VRK2: variants seen among roughly 807,000 people sequenced by gnomAD.
The protein encoded by VRK2 is VRK serine/threonine kinase 2, also known as serine/threonine-protein kinase VRK2.
Under a neutral mutation model 57.6 loss-of-function variants are expected in VRK2, and 60 were observed. That is an observed-to-expected ratio of 1.04 (90% CI 0.85 to 1.29). The LOEUF (loss-of-function observed/expected upper bound fraction) is 1.29. Ranked by LOEUF, VRK2 falls within the 50% of genes most tolerant of loss-of-function variation. VRK2 has a pLI of 0.00. For missense variants in VRK2, 705 were observed against 588.1 expected, an observed-to-expected ratio of 1.20 and a Z score of -2.06; for synonymous variants, 231 against 199.2, an observed-to-expected ratio of 1.16 and a Z score of -1.35.
At chr2:58,038,389 C>G (rs148178227) in intron 3 of VRK2, among the ~76,000 whole-genome samples, 1 of 152,108 alleles carries the variant, frequency 6.6e-6, no homozygotes, top group Admixed American at 6.5e-5. Context: ...CTCAGATATT[C>G]CTTAATAGCA....
intron 2 of VRK2, among the ~76,000 whole-genome samples, chr2:58,069,644 T>G (rs1336671704): frequency 1.3e-5 from 2 of 152,156 alleles, no homozygotes; most frequent in Non-Finnish European, 2.9e-5. Flanking sequence ...CCTTGAGAGT[T>G]TCAGATCTCT....
At chr2:58,003,719 C>A (rs939501258) in intron 1 of VRK2, among the ~76,000 whole-genome samples, 4 of 152,078 alleles carry the variant, frequency 2.6e-5, no homozygotes, top group African/African-American at 9.7e-5. Flanking sequence ...ACCTTCTTTT[C>A]TTCTCATCAT....
intron 1 of VRK2, among the ~76,000 whole-genome samples, chr2:58,024,442 G>A (rs560481837): frequency 2.0e-4 from 31 of 152,230 alleles, no homozygotes; most frequent in African/African-American, 7.0e-4. Context: ...AACTACTTAA[G>A]TGAGTAAAAC....
chr2:57,973,174 C>T (rs1260367049), intron 1 of VRK2, among the ~76,000 whole-genome samples: 1 of 151,858 alleles, frequency 6.6e-6, no homozygotes, highest in Admixed American at 6.6e-5. Context: ...CACAGCCTTG[C>T]CAACAGTTGT....
intron 1 of VRK2, among the ~76,000 whole-genome samples, chr2:57,951,707 T>C (rs1365056338): frequency 6.6e-6 from 1 of 152,164 alleles, no homozygotes; most frequent in East Asian, 1.9e-4. Flanking sequence ...AAAACAATTA[T>C]GACTTGCTGA....
Position 58,047,496 on chromosome 2 carries a change from C to T in VRK2, c.-6+628C>T, listed in dbSNP as rs187899313. 3.5e-4 allele frequency: 341 copies of T among 984,160 alleles called. 5 individuals carry two copies. The African/African-American group carries it at 5.5e-3, about 16-fold the overall frequency. The allele number at this position is 984,160 out of a possible 1,614,324, so 61.0% of individuals were successfully genotyped here. On this transcript the variant is annotated intron_variant, in intron 1 of 12. Transcript: ENST00000340157. ...GTACATTTCGTAGAGTCTCCCTTAC[C>T]GCCTCAAGCCCTGAGGCCGCTGCCT...
At chr2:58,010,926 G>C (rs983944555) in intron 1 of VRK2, among the ~76,000 whole-genome samples, 14 of 152,086 alleles carry the variant, frequency 9.2e-5, no homozygotes, top group Non-Finnish European at 1.5e-5. Flanking sequence ...TCAAATAAAT[G>C]CTTTTTAATA....
intron 9 of VRK2, 77 bp from the exon 10 acceptor site, chr2:58,135,064 A>G (rs905366470): frequency 1.5e-5 from 22 of 1,507,352 alleles, no homozygotes; most frequent in Non-Finnish European, 1.8e-5. Flanking sequence ...ACCAACACAT[A>G]GAGTGTTTTG....
chr2:58,017,168 G>A (rs1673610931), intron 1 of VRK2, among the ~76,000 whole-genome samples: 1 of 152,114 alleles, frequency 6.6e-6, no homozygotes, highest in Admixed American at 6.6e-5. Flanking sequence ...CACAGTTGTT[G>A]AATAGCCCAA....
intron 1 of VRK2, among the ~76,000 whole-genome samples, chr2:57,915,197 T>C (rs1670107286): frequency 6.6e-6 from 1 of 152,140 alleles, no homozygotes. Context: ...TAGTTGAAAA[T>C]GTATTGAAAA....
At chr2:57,917,272 TTG>T (rs1670188093) in intron 1 of VRK2, among the ~76,000 whole-genome samples, 1 of 152,016 alleles carries the variant, frequency 6.6e-6, no homozygotes, top group Admixed American at 6.6e-5. Context: ...ACTCTCTCAC[TTG>T]ATCAGCCTTT....
At chr2:57,988,755 A>C (rs1049406784) in intron 1 of VRK2, among the ~76,000 whole-genome samples, 8 of 152,144 alleles carry the variant, frequency 5.3e-5, no homozygotes, top group African/African-American at 1.9e-4. Context: ...TCAGGCCTTC[A>C]GATTTGAACT....
chr2:58,063,470 A>C (rs750660381), intron 2 of VRK2, among the ~76,000 whole-genome samples: 1 of 152,020 alleles, frequency 6.6e-6, no homozygotes, highest in Non-Finnish European at 1.5e-5. Flanking sequence ...GGTTGTATGC[A>C]TGTAACAGAT....
intron 12 of VRK2, among the ~76,000 whole-genome samples, chr2:58,152,460 G>GC (rs1683215497): frequency 6.6e-6 from 1 of 151,564 alleles, no homozygotes; most frequent in Non-Finnish European, 1.5e-5. Context: ...TGGTATTGTT[G>GC]CTTTAAGGAG....
chr2:58,003,275 A>C (rs1673143615), intron 1 of VRK2, among the ~76,000 whole-genome samples: 1 of 152,160 alleles, frequency 6.6e-6, no homozygotes. Flanking sequence ...AAATGACAAA[A>C]TATGGGTTCC....
chr2:58,146,554 T>A, intron 12 of VRK2, 80 bp downstream of exon 12: 2 of 1,491,232 alleles, frequency 1.3e-6, no homozygotes, highest in South Asian at 1.3e-5. Flanking sequence ...AACATCTTAT[T>A]TTCTCCTGAG....
At chr2:57,925,473 A>G (rs1006567651) in intron 1 of VRK2, among the ~76,000 whole-genome samples, 13 of 152,052 alleles carry the variant, frequency 8.5e-5, no homozygotes, top group Admixed American at 3.9e-4. Context: ...TGGATTTTCC[A>G]ATTTATTGGC....
At chr2:58,065,943 G>A (rs1029041019) in intron 2 of VRK2, among the ~76,000 whole-genome samples, 2 of 152,084 alleles carry the variant, frequency 1.3e-5, no homozygotes, top group Non-Finnish European at 2.9e-5. Flanking sequence ...TGTGTTGTGT[G>A]TTGTGTGTTG....
chr2:57,964,400 T>G (rs1671849662), intron 1 of VRK2, among the ~76,000 whole-genome samples: 1 of 151,202 alleles, frequency 6.6e-6, no homozygotes, highest in Non-Finnish European at 1.5e-5. Flanking sequence ...TGAAGAGGAG[T>G]AGGAAGAGGA....
Sources: allele counts gnomAD v4.1 joint callset (sites outside exome capture counted in the v4.1 genomes callset), GRCh38; gene constraint gnomAD v4.1.1; transcripts MANE v1.5; gene names NCBI Gene and HGNC (gene_info 2026-07-23, HGNC 2026-07-21).